The following EPCIP variants were observed in gnomAD, a reference collection of about 807,000 sequenced individuals.
The protein encoded by EPCIP is exosomal polycystin 1 interacting protein.
At chr21:32,805,064 G>C in the EPCIP span, among the ~76,000 whole-genome samples, 1 of 152,208 alleles carries the variant, frequency 6.6e-6, no homozygotes, top group Non-Finnish European at 1.5e-5. Flanking sequence ...TTGAGATAAG[G>C]AGATGATCCT....
the EPCIP span, chr21:32,797,654 T>C: frequency 6.6e-6 from 1 of 152,232 alleles, no homozygotes; most frequent in South Asian, 2.1e-4. Flanking sequence ...GCCTAGCACA[T>C]AGCAAGGACT....
the EPCIP span, among the ~76,000 whole-genome samples, chr21:32,810,416 C>T: frequency 1.2e-3 from 187 of 149,668 alleles, 2 homozygotes; most frequent in African/African-American, 4.2e-3. Context: ...CCACCATGCC[C>T]GGTAATTTTT....
the EPCIP span, among the ~76,000 whole-genome samples, chr21:32,809,332 CTTTCTTTCTT>C: frequency 7.7e-6 from 1 of 130,656 alleles, no homozygotes; most frequent in Non-Finnish European, 1.6e-5. Context: ...TTCTTTCTTT[CTTTCTTTCTT>C]TCCTCTTTCT....
the EPCIP span, chr21:32,790,936 T>G: frequency 6.6e-6 from 1 of 152,236 alleles, no homozygotes; most frequent in African/African-American, 2.4e-5. Context: ...AGAATTCACA[T>G]AACAACCTGG....
the EPCIP span, chr21:32,810,496 C>T: frequency 4.0e-5 from 18 of 450,134 alleles, no homozygotes; most frequent in South Asian, 6.3e-5. Flanking sequence ...CTCCTGACCT[C>T]GTGATCCGCC....
Sources: allele counts gnomAD v4.1 joint callset (sites outside exome capture counted in the v4.1 genomes callset), GRCh38; gene constraint gnomAD v4.1.1; transcripts MANE v1.5; gene names NCBI Gene and HGNC (gene_info 2026-07-23, HGNC 2026-07-21).